The following ANK3 variants were observed in gnomAD, a reference collection of about 807,000 sequenced individuals.
ANK3 encodes ankyrin-3.
ANK3 carries 57 observed loss-of-function variants against 370.9 expected under a neutral mutation model. The observed-to-expected ratio is 0.15, with a 90% CI of 0.12 to 0.19. The LOEUF is 0.19. ANK3 is among the 10% of genes least tolerant of loss of function. The probability of loss-of-function intolerance (pLI) is 1.00; values close to 1 mark genes in which losing one functional copy is unlikely to be tolerated. For synonymous variants in ANK3, 1,929 were observed against 1,946.3 expected (o/e 0.99, Z 0.23); for missense variants, 4,439 against 5,302.1 (o/e 0.84, Z 5.06).
chr10:60,603,532 T>C (rs2078092552), intron 2 of ANK3, among the ~76,000 whole-genome samples: 1 of 152,180 alleles, frequency 6.6e-6, no homozygotes, highest in African/African-American at 2.4e-5. Flanking sequence ...TTCAATGTTC[T>C]GTTTCATTTC....
intron 1 of ANK3, among the ~76,000 whole-genome samples, chr10:60,371,207 C>T (rs1189907501): frequency 1.3e-5 from 2 of 152,030 alleles, no homozygotes; most frequent in Non-Finnish European, 2.9e-5. Context: ...GTAGATGTGC[C>T]CCTTCATAAG....
At chr10:60,165,578 G>A (rs1051005167) in intron 23 of ANK3, among the ~76,000 whole-genome samples, 1 of 152,162 alleles carries the variant, frequency 6.6e-6, no homozygotes, top group African/African-American at 2.4e-5. Flanking sequence ...ATTGGATAAC[G>A]AAAAGATTAA....
chr10:60,078,955 A>G (rs539096568), intron 36 of ANK3, among the ~76,000 whole-genome samples: 10 of 152,156 alleles, frequency 6.6e-5, no homozygotes, highest in East Asian at 3.9e-4. Flanking sequence ...GAAACATTCA[A>G]TTGACTTTGC....
rs894298668 is a variant in ANK3 at position 60,547,637 on chromosome 10, G to A, written c.96+67549C>T. On this transcript the variant is annotated intron_variant, in intron 2 of 43. Coordinates refer to the ANK3 transcript ENST00000373827. ...TGATCCACCTGCCTTGTCAGGGGAG[G>A]GTGGGGAGGGTGGTGGTGGAGACAG... 2.0e-5 allele frequency among the ~76,000 whole-genome samples: 3 copies of A among 151,384 alleles called. No homozygotes were observed. In the East Asian group the frequency reaches 6.0e-4, roughly 30 times the overall value.
chr10:60,641,175 G>A (rs1221141109), intron 1 of ANK3, among the ~76,000 whole-genome samples: 1 of 149,030 alleles, frequency 6.7e-6, no homozygotes, highest in Non-Finnish European at 1.5e-5. Context: ...TGGATAGGAA[G>A]AATCAATATT....
chr10:60,440,571 TC>T (rs567652741), intron 2 of ANK3, among the ~76,000 whole-genome samples: 330 of 152,274 alleles, frequency 2.2e-3, no homozygotes, highest in Admixed American at 4.3e-3. Flanking sequence ...ATCAGGTTTT[TC>T]CCTCAACACC....
At chr10:60,156,841 T>C (rs2095343966) in intron 23 of ANK3, among the ~76,000 whole-genome samples, 1 of 152,160 alleles carries the variant, frequency 6.6e-6, no homozygotes, top group South Asian at 2.1e-4. Context: ...AAGCCTATAC[T>C]GTGAAGACTG....
chr10:60,297,896 A>G (rs2042883406), intron 1 of ANK3, among the ~76,000 whole-genome samples: 1 of 152,200 alleles, frequency 6.6e-6, no homozygotes, highest in African/African-American at 2.4e-5. Flanking sequence ...GTTTGACTAT[A>G]TAAAATATCC....
chr10:60,108,908 T>C lies in ANK3; in HGVS notation c.3095A>G (p.Asn1032Ser). 6.2e-7 allele frequency: 1 copy of C among 1,613,970 alleles called. No homozygotes were observed. The highest frequency in any genetic ancestry group is 1.1e-5 in the South Asian group (1 of 91,078). The part of the protein sequence containing the change: ...CRLVKRHKLA[N>S]PPPMVEGEGL... ...CTCTCCTTCCACCATGGGGGGTGGG[T>C]TGGCCAGTTTATGTCTCTTTACCAA... Residue 1032 changes from asparagine to serine, a missense_variant, in exon 27 of 44, where the codon AAC (asparagine) becomes AGC (serine). Physicochemically the swap from Asn to Ser is conservative, Grantham distance 46. This residue lies in a region of ANK3 where 702 missense variants were observed against 941.5 expected (regional missense o/e 0.75). Coordinates refer to ENST00000280772, the MANE Select transcript of ANK3 (RefSeq NM_020987.5).
At chr10:60,706,902 T>C (rs1407239510) in intron 1 of ANK3, among the ~76,000 whole-genome samples, 1 of 152,146 alleles carries the variant, frequency 6.6e-6, no homozygotes, top group Non-Finnish European at 1.5e-5. Flanking sequence ...GAACTTGAAA[T>C]TCCCTGGCAT....
rs557524004 is a variant in ANK3, at chr10:60,469,192, T to C, written c.96+145994A>G. The stretch of plus-strand genomic sequence containing the variant: ...GTGTATATATATATATACACCACTT[T>C]TAGTGTATATATATATACCACTTTT... On this transcript the variant is annotated intron_variant, in intron 2 of 43. Coordinates refer to the ANK3 transcript ENST00000373827. Among the ~76,000 whole-genome samples the C allele has an allele frequency of 2.3e-3, 260 of 114,682 alleles. 6 individuals carry two copies. Among genetic ancestry groups the C allele is most frequent in the South Asian group, 6.0e-3 (17 of 2,840 alleles). The allele number at this position is 114,682 out of a possible 152,430, so 75.2% of individuals were successfully genotyped here.
chr10:60,355,772 G>T (rs1162659675), intron 1 of ANK3, among the ~76,000 whole-genome samples: 1 of 152,110 alleles, frequency 6.6e-6, no homozygotes, highest in African/African-American at 2.4e-5. Flanking sequence ...CCTACAATTA[G>T]TCAGTCGTAT....
intron 23 of ANK3, among the ~76,000 whole-genome samples, chr10:60,162,033 CAATT>C (rs1471743793): frequency 1.3e-5 from 2 of 152,044 alleles, no homozygotes; most frequent in African/African-American, 2.4e-5. Flanking sequence ...TAAATATGTA[CAATT>C]ATTATGTATC....
Position 60,105,749 on chromosome 10 carries a change from G to C in ANK3, c.3328+156C>G, listed in dbSNP as rs1386715459. On this transcript the variant is annotated intron_variant, in intron 28 of 43. Transcript: ENST00000280772. The stretch of plus-strand genomic sequence containing the variant: ...GTTTGTTAGATTAAATGGAACTTCA[G>C]CATTATGATATAGAAAACAGCAACA... 2.0e-5 allele frequency among the ~76,000 whole-genome samples: 3 copies of C among 152,138 alleles called. No individual in the cohort carries two copies. The East Asian group carries it at 5.8e-4, about 29-fold the overall frequency.
At chr10:60,448,951 A>C (rs1054629220) in intron 2 of ANK3, among the ~76,000 whole-genome samples, 3 of 152,236 alleles carry the variant, frequency 2.0e-5, no homozygotes, top group African/African-American at 7.2e-5. Flanking sequence ...AATTTGACTG[A>C]AGCGCTGACC....
intron 33 of ANK3, 117 bp downstream of exon 33, chr10:60,083,370 CCTTAT>C: frequency 9.7e-7 from 1 of 1,035,970 alleles, no homozygotes; most frequent in Non-Finnish European, 1.4e-6. Flanking sequence ...CAAAATCTGA[CCTTAT>C]GAGTTCAGAT....
intron 2 of ANK3, among the ~76,000 whole-genome samples, chr10:60,450,639 T>A (rs1056104610): frequency 2.6e-5 from 4 of 152,120 alleles, no homozygotes; most frequent in Admixed American, 6.5e-5. Context: ...AAGCGTAAGT[T>A]CTTCGGGCTG....
Position 60,190,092 on chromosome 10 carries a change from T to C in ANK3, c.1888-3180A>G, listed in dbSNP as rs185157997. 4.0e-3 allele frequency among the ~76,000 whole-genome samples: 616 copies of C among 152,306 alleles called. 3 individuals are homozygous for C. The highest frequency in any genetic ancestry group is 0.014 in the African/African-American group (565 of 41,568). On this transcript the variant is annotated intron_variant, in intron 16 of 43. Coordinates refer to ENST00000280772, the MANE Select transcript of ANK3 (RefSeq NM_020987.5). ...AAATAGATTAGAGCTGCCCATCTACTTTTCAGTACCCCAATTTCCTGAAAC... is the reference window on the plus strand; with the variant it reads ...AAATAGATTAGAGCTGCCCATCTACCTTTCAGTACCCCAATTTCCTGAAAC...
intron 43 of ANK3, among the ~76,000 whole-genome samples, chr10:60,035,356 C>T (rs1476043195): frequency 6.6e-6 from 1 of 152,026 alleles, no homozygotes; most frequent in Non-Finnish European, 1.5e-5. Context: ...TCAAGCGATT[C>T]TCCTGCCTCA....
Sources: allele counts gnomAD v4.1 joint callset (sites outside exome capture counted in the v4.1 genomes callset), GRCh38; gene constraint gnomAD v4.1.1; regional missense constraint gnomAD v4.1.1; transcripts MANE v1.5; gene names NCBI Gene and HGNC (gene_info 2026-07-23, HGNC 2026-07-21).